TENM2: variants seen among roughly 807,000 people sequenced by gnomAD.
The protein encoded by TENM2 is teneurin-2.
A neutral mutation model predicts 245.2 loss-of-function variants in TENM2; 52 were observed. The ratio of observed to expected loss-of-function variants is 0.21; its 90% CI spans 0.17 to 0.27. The LOEUF is 0.27. Among genes scored for constraint, TENM2 ranks in the 10% least tolerant of loss-of-function variants. TENM2 has a pLI of 1.00. For missense variants in TENM2, 3,046 were observed against 3,666.8 expected (o/e 0.83, Z 4.37); for synonymous variants, 1,363 against 1,438.9 (o/e 0.95, Z 1.19).
At chr5:167,707,024 A>T (rs1758580710) in intron 2 of TENM2, among the ~76,000 whole-genome samples, 1 of 151,200 alleles carries the variant, frequency 6.6e-6, no homozygotes, top group African/African-American at 2.4e-5. Flanking sequence ...AAAAAAAAAA[A>T]AAAAAAAAAA....
At chr5:168,237,181 A>C (rs1765582356) in intron 25 of TENM2, among the ~76,000 whole-genome samples, 1 of 146,276 alleles carries the variant, frequency 6.8e-6, no homozygotes, top group African/African-American at 2.5e-5. Context: ...ATGCCCAGCT[A>C]ATTTTTGTGT....
At chr5:167,760,895 C>T (rs1237992118) in intron 2 of TENM2, among the ~76,000 whole-genome samples, 1 of 146,692 alleles carries the variant, frequency 6.8e-6, no homozygotes, top group African/African-American at 2.5e-5. Context: ...AGGTGATCCG[C>T]CCACCTTGGC....
chr5:168,248,400 G>C, intron 27 of TENM2, 29 bp downstream of exon 29: 1 of 1,595,052 alleles, frequency 6.3e-7, no homozygotes, highest in Non-Finnish European at 8.5e-7. Flanking sequence ...AAGGTGGGCA[G>C]TGGCTCCCTC....
At chr5:168,246,392 C>A (rs1766574794) in intron 26 of TENM2, among the ~76,000 whole-genome samples, 1 of 152,182 alleles carries the variant, frequency 6.6e-6, no homozygotes. Flanking sequence ...ATGCCTCTTA[C>A]TTCAGCTGTC....
chr5:167,620,233 G>C, intron 2 of TENM2, among the ~76,000 whole-genome samples: 1 of 152,090 alleles, frequency 6.6e-6, no homozygotes, highest in Non-Finnish European at 1.5e-5. Context: ...ATGGTAATCG[G>C]TGTAAACCAA....
At chr5:167,604,078 A>G (rs1776849332) in intron 2 of TENM2, among the ~76,000 whole-genome samples, 1 of 152,146 alleles carries the variant, frequency 6.6e-6, no homozygotes, top group Non-Finnish European at 1.5e-5. Context: ...CTTGTTTCTG[A>G]TTTTCTTAAA....
the TENM2 span, among the ~76,000 whole-genome samples, chr5:167,208,693 C>T: frequency 2.6e-5 from 4 of 152,188 alleles, no homozygotes; most frequent in Non-Finnish European, 4.4e-5. Context: ...AACGGAACAT[C>T]TTCTTAAGAC....
chr5:168,262,083 A>T, exon 29 of TENM2: 1 of 1,614,054 alleles, frequency 6.2e-7, no homozygotes, highest in Non-Finnish European at 8.5e-7. Flanking sequence ...ACAGAGAGAC[A>T]TAACCAGGCC....
At chr5:167,387,686 T>A (rs1229558603) in intron 2 of TENM2, among the ~76,000 whole-genome samples, 1 of 152,146 alleles carries the variant, frequency 6.6e-6, no homozygotes, top group Non-Finnish European at 1.5e-5. Context: ...TTTTGAGGTA[T>A]GTCCCTTGTA....
At chr5:167,979,995 T>C (rs1224536104) in intron 4 of TENM2, among the ~76,000 whole-genome samples, 1 of 152,204 alleles carries the variant, frequency 6.6e-6, no homozygotes, top group African/African-American at 2.4e-5. Context: ...TGAGATGATC[T>C]TTCAAGATCT....
At chr5:167,161,879 C>T in the TENM2 span, among the ~76,000 whole-genome samples, 2 of 151,742 alleles carry the variant, frequency 1.3e-5, no homozygotes, top group African/African-American at 4.8e-5. Flanking sequence ...AAAAATATTT[C>T]CCTGGGACGC....
At chr5:167,299,875 A>T (rs1215216691) in intron 1 of TENM2, among the ~76,000 whole-genome samples, 13 of 152,172 alleles carry the variant, frequency 8.5e-5, no homozygotes, top group African/African-American at 3.1e-4. Flanking sequence ...CAGCTGAAGG[A>T]GCCAGGGAGC....
intron 21 of TENM2, among the ~76,000 whole-genome samples, chr5:168,215,656 G>A (rs920123831): frequency 2.2e-4 from 33 of 152,226 alleles, no homozygotes; most frequent in Non-Finnish European, 2.9e-5. Flanking sequence ...GCAACAGAGC[G>A]AGACTCCGTC....
intron 2 of TENM2, among the ~76,000 whole-genome samples, chr5:167,789,545 G>A (rs1315728861): frequency 1.3e-5 from 2 of 152,082 alleles, no homozygotes; most frequent in Non-Finnish European, 2.9e-5. Flanking sequence ...TTCCAGGTTG[G>A]TTGGACACTT....
At chr5:167,772,941 T>C (rs1026916652) in intron 2 of TENM2, among the ~76,000 whole-genome samples, 2 of 152,162 alleles carry the variant, frequency 1.3e-5, no homozygotes, top group African/African-American at 2.4e-5. Context: ...CCTCCAGAAA[T>C]GGCTCAACCA....
At chr5:168,150,369 C>G (rs1408308543) in intron 12 of TENM2, among the ~76,000 whole-genome samples, 1 of 152,224 alleles carries the variant, frequency 6.6e-6, no homozygotes, top group African/African-American at 2.4e-5. Context: ...TTCGCACACA[C>G]TGAACTCAAG....
the TENM2 span, among the ~76,000 whole-genome samples, chr5:167,071,999 A>C: frequency 6.6e-6 from 1 of 150,426 alleles, no homozygotes; most frequent in Non-Finnish European, 1.5e-5. Flanking sequence ...GTGGTTGGGA[A>C]GATGCAGCCA....
At chr5:168,154,515 G>A (rs1435779945) in intron 12 of TENM2, among the ~76,000 whole-genome samples, 2 of 152,140 alleles carry the variant, frequency 1.3e-5, no homozygotes, top group Non-Finnish European at 2.9e-5. Flanking sequence ...GTGAGCTACC[G>A]CGCCTGGCCC....
intron 2 of TENM2, among the ~76,000 whole-genome samples, chr5:167,817,214 T>C (rs1767127624): frequency 6.6e-6 from 1 of 152,228 alleles, no homozygotes; most frequent in African/African-American, 2.4e-5. Flanking sequence ...TATAGTGTGC[T>C]GATATTTCTT....
Sources: gnomAD v4.1 joint callset for allele counts (sites outside exome capture counted in the v4.1 genomes callset) on GRCh38, gnomAD v4.1.1 for gene constraint, MANE v1.5 for transcripts, NCBI Gene and HGNC (gene_info 2026-07-23, HGNC 2026-07-21) for gene names.